The following PRH1 variants were observed in gnomAD, a reference collection of about 807,000 sequenced individuals.
PRH1 encodes proline rich protein HaeIII subfamily 1.
Under a neutral mutation model 7.9 loss-of-function variants are expected in PRH1, and 7 were observed. That is an observed-to-expected ratio of 0.89 (90% confidence interval 0.50 to 1.67). PRH1 has a LOEUF of 1.67. PRH1 is among the 40% of genes most tolerant of loss of function. The probability of loss-of-function intolerance (pLI) is 0.00; values close to 1 mark genes in which losing one functional copy is unlikely to be tolerated. For synonymous variants in PRH1, 45 were observed against 80.8 expected, an observed-to-expected ratio of 0.56 and a Z score of 2.38; for missense variants, 109 against 223.6, an observed-to-expected ratio of 0.49 and a Z score of 3.27.
chr12:11,010,828 T>C (rs962917413), intron 1 of PRH1, among the ~76,000 whole-genome samples: 6 of 151,918 alleles, frequency 3.9e-5, no homozygotes, highest in East Asian at 3.8e-4. Context: ...ACTGATTTCA[T>C]GCACATTTAT....
At chr12:11,021,096 A>G (rs1941600204) in intron 1 of PRH1, among the ~76,000 whole-genome samples, 1 of 40,610 alleles carries the variant, frequency 2.5e-5, no homozygotes, top group Admixed American at 3.0e-4. Context: ...TTTACTCTAC[A>G]TATGTTTTTC....
At chr12:11,171,139 G>T in intron 1 of PRH1, 1 of 393,940 alleles carries the variant, frequency 2.5e-6, no homozygotes, top group Non-Finnish European at 4.5e-6. Flanking sequence ...GCTCTAAATG[G>T]TAAATGCCAC....
intron 1 of PRH1, among the ~76,000 whole-genome samples, chr12:11,145,967 A>G (rs1397259916): frequency 6.6e-6 from 1 of 152,152 alleles, no homozygotes; most frequent in Non-Finnish European, 1.5e-5. Flanking sequence ...TTTTATGATT[A>G]TTTTTAGAAA....
At chr12:11,007,283 A>G (rs1448064133) in intron 1 of PRH1, among the ~76,000 whole-genome samples, 1 of 152,134 alleles carries the variant, frequency 6.6e-6, no homozygotes, top group Non-Finnish European at 1.5e-5. Flanking sequence ...TTTATTGTTA[A>G]CAAGCTCATA....
At chr12:11,037,721 T>C (rs1942497550) in intron 1 of PRH1, among the ~76,000 whole-genome samples, 1 of 152,266 alleles carries the variant, frequency 6.6e-6, no homozygotes, top group South Asian at 2.1e-4. Flanking sequence ...TTCTTGCTTA[T>C]CTCTCCTTTT....
Position 11,093,281 on chromosome 12 carries a change from G to A in PRH1, n.124-46093C>T, listed in dbSNP as rs1457334604. Among the ~76,000 whole-genome samples, 2 of 115,510 alleles carry A rather than the reference G, an allele frequency of 1.7e-5. 1 individual carries two copies. The highest frequency in any genetic ancestry group is 5.8e-5 in the African/African-American group (2 of 34,418). 75.8% of individuals were successfully genotyped at this position (115,510 alleles called of 152,430 possible). A position where few individuals can be genotyped will look rare whatever the true frequency, so the allele number is the denominator to read the frequency against. ...AGAATCCTAACTGCTTTTATCAAAG[G>A]CATCTCAGATTTTCTTGAGAACCAC... On this transcript the variant is annotated intron_variant and non_coding_transcript_variant, in intron 1 of 4. Transcript: ENST00000541977.
intron 1 of PRH1, among the ~76,000 whole-genome samples, chr12:11,031,644 C>A (rs1322261852): frequency 1.3e-5 from 2 of 152,058 alleles, no homozygotes; most frequent in Non-Finnish European, 2.9e-5. Flanking sequence ...TATCAGAGTG[C>A]CCTTTTTTCA....
At chr12:10,912,265 G>A (rs1278256929) in intron 2 of PRH1, among the ~76,000 whole-genome samples, 1 of 152,046 alleles carries the variant, frequency 6.6e-6, no homozygotes, top group African/African-American at 2.4e-5. Flanking sequence ...TTATTATTGA[G>A]TACATGAGCA....
chr12:10,932,223 C>G (rs1261066251), intron 2 of PRH1: 5 of 436,334 alleles, frequency 1.1e-5, no homozygotes, highest in Non-Finnish European at 2.4e-5. Flanking sequence ...TTGTCTTTTT[C>G]AGGAAGTGAA....
chr12:10,906,114 G>T (rs1314317171), intron 2 of PRH1, among the ~76,000 whole-genome samples: 1 of 152,090 alleles, frequency 6.6e-6, no homozygotes, highest in Non-Finnish European at 1.5e-5. Context: ...TTTCTAAAAA[G>T]AAAATAAAAG....
chr12:10,897,929 T>C (rs1949671918), intron 2 of PRH1, among the ~76,000 whole-genome samples: 1 of 152,196 alleles, frequency 6.6e-6, no homozygotes, highest in South Asian at 2.1e-4. Flanking sequence ...GCTGTTATTT[T>C]ACACCATGAA....
At chr12:11,032,513 G>A (rs117939650) in intron 1 of PRH1, among the ~76,000 whole-genome samples, 4,382 of 152,158 alleles carry the variant, frequency 0.029, 111 homozygotes, top group South Asian at 0.099. Flanking sequence ...ATACACATGT[G>A]CACACCACTT....
chr12:10,928,817 C>G (rs1160387328), intron 2 of PRH1, among the ~76,000 whole-genome samples: 1 of 152,218 alleles, frequency 6.6e-6, no homozygotes, highest in Non-Finnish European at 1.5e-5. Flanking sequence ...AAGAGTCAGA[C>G]ATATTGACCG....
upstream of PRH1, chr12:11,049,402 A>G (rs1016912253): frequency 8.5e-6 from 2 of 234,314 alleles, no homozygotes; most frequent in African/African-American, 2.3e-5. Flanking sequence ...ACTAATTTCA[A>G]CAGGAAAGCA....
chr12:11,030,501 G>C, intron 1 of PRH1: 1 of 1,614,242 alleles, frequency 6.2e-7, no homozygotes, highest in Non-Finnish European at 8.5e-7. Context: ...CCCCAAATCA[G>C]GATGAATGGG....
At chr12:11,151,864 T>A (rs189836015) in intron 1 of PRH1, among the ~76,000 whole-genome samples, 4 of 152,246 alleles carry the variant, frequency 2.6e-5, no homozygotes, top group African/African-American at 9.6e-5. Flanking sequence ...TATTAGTGAG[T>A]TGATTATCAT....
chr12:10,893,888 T>A (rs1949609869), intron 2 of PRH1, among the ~76,000 whole-genome samples: 1 of 152,154 alleles, frequency 6.6e-6, no homozygotes, highest in African/African-American at 2.4e-5. Flanking sequence ...TTTATTACTG[T>A]TACCTTAAAC....
intron 1 of PRH1, among the ~76,000 whole-genome samples, chr12:11,143,360 G>A (rs571833659): frequency 6.1e-4 from 92 of 151,844 alleles, no homozygotes; most frequent in African/African-American, 2.2e-3. Context: ...ATAATACAAT[G>A]GATACACACA....
At chr12:11,102,289 A>C (rs2136285142) in intron 1 of PRH1, among the ~76,000 whole-genome samples, 1 of 152,348 alleles carries the variant, frequency 6.6e-6, no homozygotes, top group East Asian at 1.9e-4. Flanking sequence ...CTGACTTCAA[A>C]CTATACTACA....
Sources: gnomAD v4.1 joint callset for allele counts (sites outside exome capture counted in the v4.1 genomes callset) on GRCh38, gnomAD v4.1.1 for gene constraint, MANE v1.5 for transcripts, NCBI Gene and HGNC (gene_info 2026-07-23, HGNC 2026-07-21) for gene names.